The following SLC30A8 variants were observed in gnomAD, a reference collection of about 807,000 sequenced individuals.
SLC30A8 encodes the protein proton-coupled zinc antiporter SLC30A8.
Under a neutral mutation model 36.9 loss-of-function variants are expected in SLC30A8, and 27 were observed. The ratio of observed to expected loss-of-function variants is 0.73; its 90% CI spans 0.54 to 1.01. The LOEUF (loss-of-function observed/expected upper bound fraction) is 1.01, where lower values mean the gene tolerates loss of function less well. Ranked by LOEUF, SLC30A8 falls within the 50% of genes least tolerant of loss-of-function variation. The pLI is 0.00. For synonymous variants in SLC30A8, 164 were observed against 172.4 expected, an observed-to-expected ratio of 0.95 and a Z score of 0.38; for missense variants, 439 against 452.0, an observed-to-expected ratio of 0.97 and a Z score of 0.26.
chr8:117,106,481 G>C (rs1463327599), intron 2 of SLC30A8, among the ~76,000 whole-genome samples: 1 of 152,128 alleles, frequency 6.6e-6, no homozygotes, highest in East Asian at 1.9e-4. Context: ...TTTGATTATT[G>C]TTTCAGAGAT....
At chr8:117,020,637 G>A (rs1404321607) in intron 1 of SLC30A8, among the ~76,000 whole-genome samples, 1 of 150,906 alleles carries the variant, frequency 6.6e-6, no homozygotes. Context: ...GGGAATTGTT[G>A]AATAAATTCT....
At chr8:117,012,770 T>C (rs1320801442) in intron 1 of SLC30A8, among the ~76,000 whole-genome samples, 5 of 117,096 alleles carry the variant, frequency 4.3e-5, no homozygotes, top group African/African-American at 1.7e-4. Flanking sequence ...CGGTGGATCC[T>C]CAAATAGATT....
chr8:117,043,649 A>G (rs1308275506), intron 2 of SLC30A8, among the ~76,000 whole-genome samples: 1 of 152,216 alleles, frequency 6.6e-6, no homozygotes, highest in African/African-American at 2.4e-5. Flanking sequence ...AGAAAAATAT[A>G]ATACGGATAA....
intron 1 of SLC30A8, among the ~76,000 whole-genome samples, chr8:116,994,320 A>G (rs1815744089): frequency 6.6e-6 from 1 of 152,098 alleles, no homozygotes; most frequent in Non-Finnish European, 1.5e-5. Context: ...ACTCAACAGA[A>G]GAGATTACAT....
At chr8:117,112,282 T>C (rs1487122319) in intron 2 of SLC30A8, among the ~76,000 whole-genome samples, 1 of 152,184 alleles carries the variant, frequency 6.6e-6, no homozygotes, top group Non-Finnish European at 1.5e-5. Context: ...ATGTGGGTTG[T>C]ATTGTTCTGT....
chr8:117,074,967 GT>G (rs544990098), intron 2 of SLC30A8, among the ~76,000 whole-genome samples: 13 of 151,404 alleles, frequency 8.6e-5, no homozygotes, highest in Non-Finnish European at 1.6e-4. Context: ...TTATGCATTA[GT>G]TTTTTTTTCT....
intron 1 of SLC30A8, among the ~76,000 whole-genome samples, chr8:117,035,129 A>G (rs1216465210): frequency 1.3e-5 from 2 of 152,180 alleles, no homozygotes; most frequent in Non-Finnish European, 2.9e-5. Flanking sequence ...TTCACATTTC[A>G]AAACACAATC....
intron 1 of SLC30A8, among the ~76,000 whole-genome samples, chr8:116,959,125 A>G (rs1267229323): frequency 6.6e-6 from 1 of 152,106 alleles, no homozygotes; most frequent in Non-Finnish European, 1.5e-5. Flanking sequence ...CTGGGATTAC[A>G]GGCATGAGCA....
chr8:117,143,665 AACACACACACAC>A (rs58613241), intron 1 of SLC30A8, among the ~76,000 whole-genome samples: 5 of 146,294 alleles, frequency 3.4e-5, no homozygotes, highest in East Asian at 2.1e-4. Context: ...TCTCCCATAA[AACACACACACAC>A]ACACACACAC....
intron 1 of SLC30A8, among the ~76,000 whole-genome samples, chr8:116,974,903 G>A (rs1433804858): frequency 6.6e-6 from 1 of 151,906 alleles, no homozygotes; most frequent in Non-Finnish European, 1.5e-5. Context: ...GGATGAAGCT[G>A]GAAACCATTA....
rs11558471 is a variant in SLC30A8 at position 117,173,494 on chromosome 8, A to G, written c.*813A>G. The G allele has an allele frequency of 0.25, 38,571 of 152,070 alleles. 5,838 individuals carry two copies. The highest frequency in any genetic ancestry group is 0.46 in the East Asian group (2,359 of 5,136). The allele number at this position is 152,070 out of a possible 1,614,324, so 9.4% of individuals were successfully genotyped here. A position where few individuals can be genotyped will look rare whatever the true frequency, so the allele number is the denominator to read the frequency against. ...CAGATAATTTAGATATTTACCTGCA[A>G]GAAGGAATAAAGCAGATGCAACCAA... On this transcript the variant is annotated 3_prime_UTR_variant, in exon 8 of 8. Transcript: ENST00000456015.
chr8:117,040,565 T>C (rs1314150919), intron 2 of SLC30A8, among the ~76,000 whole-genome samples: 2 of 152,180 alleles, frequency 1.3e-5, no homozygotes, highest in African/African-American at 2.4e-5. Context: ...GATGAAAGAA[T>C]TTTTCCTTGT....
intron 6 of SLC30A8, chr8:117,164,102 G>A (rs1822934792): frequency 6.6e-6 from 1 of 152,338 alleles, no homozygotes; most frequent in Admixed American, 6.5e-5. Flanking sequence ...CGGCCTCCTG[G>A]GAACAGGGTG....
intron 1 of SLC30A8, among the ~76,000 whole-genome samples, chr8:117,146,497 G>C (rs1312139234): frequency 1.3e-5 from 2 of 152,128 alleles, no homozygotes; most frequent in Non-Finnish European, 2.9e-5. Flanking sequence ...GACTCAGCAG[G>C]AAACAGTGCT....
At chr8:117,155,786 G>C (rs1279698375) in intron 3 of SLC30A8, among the ~76,000 whole-genome samples, 1 of 152,166 alleles carries the variant, frequency 6.6e-6, no homozygotes, top group East Asian at 1.9e-4. Flanking sequence ...TCTGTGAGGG[G>C]AAGTCAGTTC....
At chr8:117,002,110 T>C (rs1816029902) in intron 1 of SLC30A8, among the ~76,000 whole-genome samples, 2 of 152,204 alleles carry the variant, frequency 1.3e-5, no homozygotes, top group South Asian at 4.1e-4. Context: ...ATTGGTTCAG[T>C]GCATCAAAAA....
At chr8:117,075,986 CTCTCA>C in intron 2 of SLC30A8, among the ~76,000 whole-genome samples, 1 of 152,312 alleles carries the variant, frequency 6.6e-6, no homozygotes, top group South Asian at 2.1e-4. Context: ...AGAATTTCCT[CTCTCA>C]TTACTTTCTC....
rs1427780591 is a variant in SLC30A8, at chr8:117,147,471, C to T, written c.271+318C>T. ...CTTTTGACCATACTGTCAAATACTCCTCAAAAACATTTTTATGCCTGAACA... is the reference window on the plus strand; with the variant it reads ...CTTTTGACCATACTGTCAAATACTCTTCAAAAACATTTTTATGCCTGAACA... On this transcript the variant is annotated intron_variant, in intron 2 of 7. Transcript: ENST00000456015. The T allele has an allele frequency of 2.1e-5, 5 of 236,046 alleles. No homozygotes were observed. The South Asian group carries it at 3.6e-4, about 17-fold the overall frequency. The allele number at this position is 236,046 out of a possible 1,614,324, so 14.6% of individuals were successfully genotyped here. A position where few individuals can be genotyped will look rare whatever the true frequency, so the allele number is the denominator to read the frequency against.
intron 1 of SLC30A8, among the ~76,000 whole-genome samples, chr8:117,023,367 C>T (rs1202399759): frequency 6.6e-6 from 1 of 152,172 alleles, no homozygotes; most frequent in Non-Finnish European, 1.5e-5. Context: ...CATCCCATTA[C>T]TGGGTATATA....
Sources: allele counts gnomAD v4.1 joint callset (sites outside exome capture counted in the v4.1 genomes callset), GRCh38; gene constraint gnomAD v4.1.1; transcripts MANE v1.5; gene names NCBI Gene and HGNC (gene_info 2026-07-23, HGNC 2026-07-21).